IQCH: variants seen among roughly 807,000 people sequenced by gnomAD.
The protein encoded by IQCH is IQ domain-containing protein H.
IQCH carries 98 observed loss-of-function variants against 117.0 expected under a neutral mutation model. That is an observed-to-expected ratio of 0.84 (90% CI 0.71 to 0.99). The LOEUF is 0.99. Ranked by LOEUF, IQCH falls within the 50% of genes least tolerant of loss-of-function variation. The pLI is 0.00. For synonymous variants in IQCH, 412 were observed against 448.2 expected (o/e 0.92, Z 1.02); for missense variants, 1,102 against 1,243.8 (o/e 0.89, Z 1.72).
At chr15:67,302,385 G>C (rs1411102362) in intron 4 of IQCH, among the ~76,000 whole-genome samples, 1 of 152,120 alleles carries the variant, frequency 6.6e-6, no homozygotes, top group Non-Finnish European at 1.5e-5. Flanking sequence ...AAAAACCCTG[G>C]AGTAGTGCTG....
At chr15:67,392,443 T>C (rs973854508) in intron 12 of IQCH, among the ~76,000 whole-genome samples, 2 of 152,126 alleles carry the variant, frequency 1.3e-5, no homozygotes, top group South Asian at 2.1e-4. Context: ...AAATGGAACA[T>C]TGAGTTTCCT....
chr15:67,299,598 A>G (rs1180525062), intron 4 of IQCH, among the ~76,000 whole-genome samples: 1 of 152,150 alleles, frequency 6.6e-6, no homozygotes, highest in African/African-American at 2.4e-5. Context: ...AATTAAAAAT[A>G]AAAAAATTTT....
rs1702826979 is a variant in IQCH, at chr15:67,408,203, C to T, written c.2097+7898C>T. The T allele has an allele frequency of 6.6e-6, 1 of 152,220 alleles. No homozygotes were observed. The highest frequency in any genetic ancestry group is 2.4e-5 in the African/African-American group (1 of 41,448). The allele number at this position is 152,220 out of a possible 1,614,324, so 9.4% of individuals were successfully genotyped here. On this transcript the variant is annotated intron_variant, in intron 14 of 20. Transcript: ENST00000335894. This position sits in a 1 kb window ranked among gnomAD's most constrained non-coding sequence, Gnocchi z 4.2. ...CGAGAATTGGTTAGTGTTCTCACAT[C>T]CAGGAAGTCCCTGTTGGAGGTCTTT... is the stretch of plus-strand genomic sequence containing the variant.
chr15:67,420,563 T>C (rs560139104), intron 15 of IQCH, among the ~76,000 whole-genome samples: 232 of 152,334 alleles, frequency 1.5e-3, no homozygotes, highest in Non-Finnish European at 2.3e-3. Context: ...ATTGGGGCTA[T>C]GTAATTTTTG....
At chr15:67,444,190 AT>A (rs1358448169) in intron 16 of IQCH, among the ~76,000 whole-genome samples, 14 of 152,168 alleles carry the variant, frequency 9.2e-5, no homozygotes, top group African/African-American at 3.1e-4. Flanking sequence ...CACATCTCCT[AT>A]TTTTTTAATA....
intron 14 of IQCH, among the ~76,000 whole-genome samples, chr15:67,415,194 C>T (rs1420149213): frequency 6.6e-6 from 1 of 152,026 alleles, no homozygotes; most frequent in South Asian, 2.1e-4. Flanking sequence ...GGCTTTGGGG[C>T]GATCAGGTAA....
intron 14 of IQCH, among the ~76,000 whole-genome samples, chr15:67,415,407 C>T (rs1027761984): frequency 1.3e-5 from 2 of 152,086 alleles, no homozygotes; most frequent in Non-Finnish European, 2.9e-5. Flanking sequence ...GGGCACTCTC[C>T]GCTTCTCAGG....
intron 3 of IQCH, among the ~76,000 whole-genome samples, chr15:67,277,340 GT>G (rs1039038487): frequency 2.6e-5 from 4 of 151,698 alleles, no homozygotes; most frequent in South Asian, 4.2e-4. Context: ...TCTTCAGACT[GT>G]TTTTTTTCTT....
At chr15:67,340,316 T>C (rs1969089628) in intron 5 of IQCH, among the ~76,000 whole-genome samples, 1 of 151,144 alleles carries the variant, frequency 6.6e-6, no homozygotes, top group Admixed American at 6.6e-5. Flanking sequence ...TAATCCCAGC[T>C]ACTCTGGAGG....
intron 18 of IQCH, among the ~76,000 whole-genome samples, chr15:67,483,943 G>A (rs1043167967): frequency 6.6e-6 from 1 of 152,216 alleles, no homozygotes; most frequent in African/African-American, 2.4e-5. Flanking sequence ...AATCTTAGGA[G>A]TTCATGTCCT....
intron 14 of IQCH, among the ~76,000 whole-genome samples, chr15:67,415,295 C>T (rs2081548900): frequency 6.6e-6 from 1 of 152,204 alleles, no homozygotes; most frequent in Admixed American, 6.5e-5. Flanking sequence ...TTCCTTGTCT[C>T]TGCATCACAA....
chr15:67,347,383 A>T (rs1290855665), intron 6 of IQCH, among the ~76,000 whole-genome samples: 1 of 152,124 alleles, frequency 6.6e-6, no homozygotes. Context: ...AGATGATAAG[A>T]GAACATTATA....
intron 4 of IQCH, among the ~76,000 whole-genome samples, chr15:67,317,712 A>G (rs764142262): frequency 6.6e-6 from 1 of 152,224 alleles, no homozygotes; most frequent in Non-Finnish European, 1.5e-5. Flanking sequence ...GGTACCTTAC[A>G]AAATGCATTA....
chr15:67,469,540 T>A (rs72747416), intron 17 of IQCH, among the ~76,000 whole-genome samples: 19,265 of 152,188 alleles, frequency 0.13, 1,288 homozygotes, highest in East Asian at 0.2. Context: ...TAAGTTCTCA[T>A]CAGCCTTTAC....
chr15:67,467,548 G>A lies in IQCH; in HGVS notation c.2676+2251G>A, dbSNP rs1431167190. On this transcript the variant is annotated intron_variant, in intron 17 of 20. Transcript: ENST00000335894. This position sits in a 1 kb window ranked among gnomAD's most constrained non-coding sequence, Gnocchi z 5.7. Reference sequence around the variant, plus strand: ...TTTCTGGTGTAGGAATAAATTGAAAGGGCTTTTCATTTTAGAAAGATACAG... The same window carrying A: ...TTTCTGGTGTAGGAATAAATTGAAAAGGCTTTTCATTTTAGAAAGATACAG... Among the ~76,000 whole-genome samples the A allele has an allele frequency of 6.6e-6, 1 of 152,214 alleles. No homozygotes were observed. The highest frequency in any genetic ancestry group is 1.5e-5 in the Non-Finnish European group (1 of 68,040).
intron 10 of IQCH, among the ~76,000 whole-genome samples, chr15:67,374,500 CA>C (rs1265902170): frequency 1.3e-5 from 2 of 152,030 alleles, no homozygotes; most frequent in East Asian, 3.8e-4. Context: ...ACATTTAAAT[CA>C]TTATACAATA....
Position 67,406,429 on chromosome 15 carries a change from A to C in IQCH, c.2097+6124A>C, listed in dbSNP as rs1382614697. The C allele has an allele frequency of 6.6e-6, 1 of 152,184 alleles. No homozygotes were observed. The highest frequency in any genetic ancestry group is 6.6e-5 in the Admixed American group (1 of 15,258). 9.4% of individuals were successfully genotyped at this position (152,184 alleles called of 1,614,324 possible). A position where few individuals can be genotyped will look rare whatever the true frequency, so the allele number is the denominator to read the frequency against. On this transcript the variant is annotated intron_variant, in intron 14 of 20. Transcript: ENST00000335894. This position sits in a 1 kb window ranked among gnomAD's most constrained non-coding sequence, Gnocchi z 4.5. ...TCCAGCTACTTAGGAGCCTGAAGAA[A>C]GAGGATCACTCGAGCCCAGGAGTTT...
chr15:67,391,088 C>T lies in IQCH; in HGVS notation c.1632+2082C>T, dbSNP rs1971271010. On this transcript the variant is annotated intron_variant, in intron 12 of 20. Transcript: ENST00000335894. The surrounding 1 kb of genome is among the most constrained non-coding windows in gnomAD (Gnocchi z 4.3). ...TCAGAGTCATCTTCAACTCTATCAT[C>T]CTATTACCTGAGAACCATACCCTTG... Among the ~76,000 whole-genome samples, 5 of 152,116 alleles carry T rather than the reference C, an allele frequency of 3.3e-5. No homozygotes were observed.
At chr15:67,281,048 CTTGGCCGGGCTGG>C (rs1205665642) in intron 4 of IQCH, among the ~76,000 whole-genome samples, 4 of 152,074 alleles carry the variant, frequency 2.6e-5, no homozygotes, top group Non-Finnish European at 5.9e-5. Flanking sequence ...GTTTCACCAT[CTTGGCCGGGCTGG>C]TCTTGAACTC....
Sources: gnomAD v4.1 joint callset for allele counts (sites outside exome capture counted in the v4.1 genomes callset) on GRCh38, gnomAD v4.1.1 for gene constraint, Gnocchi (gnomAD v3.1) non-coding constraint, MANE v1.5 for transcripts, NCBI Gene and HGNC (gene_info 2026-07-23, HGNC 2026-07-21) for gene names.